Variants in PDXDC1 observed in about 807,000 individuals in gnomAD.
PDXDC1 encodes the protein pyridoxal-dependent decarboxylase domain-containing protein 1.
Under a neutral mutation model 100.1 loss-of-function variants are expected in PDXDC1, and 42 were observed. That is an observed-to-expected ratio of 0.42 (90% CI 0.33 to 0.54). The LOEUF is 0.54. Ranked by LOEUF, PDXDC1 falls within the 20% of genes least tolerant of loss-of-function variation. PDXDC1 has a pLI of 0.10. For synonymous variants in PDXDC1, 260 were observed against 371.7 expected, an observed-to-expected ratio of 0.70 and a Z score of 3.46; for missense variants, 636 against 979.2, an observed-to-expected ratio of 0.65 and a Z score of 4.68.
At chr16:15,053,931 A>G (rs4985148) in intron 16 of PDXDC1, among the ~76,000 whole-genome samples, 1 of 149,782 alleles carries the variant, frequency 6.7e-6, no homozygotes. Flanking sequence ...AACCAACCAA[A>G]CAAACAAACA....
intron 16 of PDXDC1, among the ~76,000 whole-genome samples, chr16:15,071,483 C>T (rs1244320990): frequency 2.6e-5 from 4 of 152,124 alleles, no homozygotes; most frequent in South Asian, 2.1e-4. Flanking sequence ...ACAATCAACC[C>T]GGGGCCAGGC....
intron 16 of PDXDC1, chr16:15,129,891 G>A (rs562519743): frequency 1.1e-4 from 91 of 806,726 alleles, no homozygotes; most frequent in South Asian, 8.5e-4. Flanking sequence ...CCTGAGCCCC[G>A]GCCCCAGCCT....
chr16:14,978,865 G>C (rs2151139334), intron 1 of PDXDC1, among the ~76,000 whole-genome samples: 1 of 152,414 alleles, frequency 6.6e-6, no homozygotes, highest in East Asian at 1.9e-4. Context: ...CAGCACTAGT[G>C]ATATTTTGGG....
chr16:15,033,730 G>A (rs1182590537), intron 19 of PDXDC1, among the ~76,000 whole-genome samples: 1 of 152,182 alleles, frequency 6.6e-6, no homozygotes, highest in Non-Finnish European at 1.5e-5. Context: ...TTCTGCTCTG[G>A]AGCTGTGTCC....
chr16:15,019,732 C>T (rs1487429973), intron 12 of PDXDC1, among the ~76,000 whole-genome samples: 1 of 152,278 alleles, frequency 6.6e-6, no homozygotes, highest in Non-Finnish European at 1.5e-5. Flanking sequence ...GCCCTAATGA[C>T]CTCCCAAAGG....
chr16:15,067,861 G>T (rs925358426), intron 16 of PDXDC1, among the ~76,000 whole-genome samples: 1 of 152,012 alleles, frequency 6.6e-6, no homozygotes, highest in East Asian at 1.9e-4. Context: ...GGGCTCAAGT[G>T]ATCCTCCTAC....
At chr16:14,987,429 G>A (rs1186340996) in intron 1 of PDXDC1, among the ~76,000 whole-genome samples, 3 of 152,394 alleles carry the variant, frequency 2.0e-5, no homozygotes, top group Admixed American at 1.3e-4. Flanking sequence ...AGTAATGTGT[G>A]TAGAGGCGTT....
intron 16 of PDXDC1, among the ~76,000 whole-genome samples, chr16:15,110,143 C>T (rs1300569896): frequency 2.1e-5 from 3 of 146,276 alleles, no homozygotes; most frequent in African/African-American, 5.0e-5. Flanking sequence ...AAAGCCCCAT[C>T]TCAGGAAAAA....
chr16:15,035,970 A>G, intron 22 of PDXDC1, 46 bp from the exon 23 acceptor site: 1 of 1,563,354 alleles, frequency 6.4e-7, no homozygotes, highest in Non-Finnish European at 8.7e-7. Flanking sequence ...GTGTTGCAGA[A>G]GTATCCTCAC....
At chr16:15,086,127 A>G (rs765498699) in intron 16 of PDXDC1, 8 of 1,605,528 alleles carry the variant, frequency 5.0e-6, no homozygotes, top group Non-Finnish European at 1.7e-6. Context: ...GCAATGACTT[A>G]CGAGGCACAA....
intron 21 of PDXDC1, among the ~76,000 whole-genome samples, chr16:15,034,806 C>T (rs946493491): frequency 3.3e-5 from 5 of 152,196 alleles, no homozygotes; most frequent in South Asian, 2.1e-4. Flanking sequence ...CATGAGGACA[C>T]GCCCACTCAG....
chr16:15,146,168 G>A, the PDXDC1 span, among the ~76,000 whole-genome samples: 1 of 152,184 alleles, frequency 6.6e-6, no homozygotes, highest in Non-Finnish European at 1.5e-5. Context: ...GATGGCAGAG[G>A]AGATCCACAG....
rs2045850542 is a variant in PDXDC1, at chr16:15,084,768, G to A, written c.1400-54111G>A. The A allele has an allele frequency of 1.3e-5, 15 of 1,178,132 alleles. No homozygotes were observed. In the South Asian group the frequency reaches 1.9e-4, roughly 15 times the overall value. The allele number at this position is 1,178,132 out of a possible 1,614,324, so 73.0% of individuals were successfully genotyped here. A position where few individuals can be genotyped will look rare whatever the true frequency, so the allele number is the denominator to read the frequency against. On this transcript the variant is annotated intron_variant, in intron 16 of 16. Coordinates refer to the PDXDC1 transcript ENST00000535621. ...AAAACTGAAGGGCGACACGCTTGAA[G>A]CTAAAAATAAATGCTGGCTGGGCAC... is the stretch of plus-strand genomic sequence containing the variant.
chr16:15,083,508 C>A, intron 16 of PDXDC1: 1 of 1,608,900 alleles, frequency 6.2e-7, no homozygotes, highest in Non-Finnish European at 8.5e-7. Flanking sequence ...GAAAAGATTT[C>A]TTACCAGTGT....
chr16:15,042,718 C>CTATT (rs58123477), downstream of PDXDC1, among the ~76,000 whole-genome samples: 16,544 of 147,020 alleles, frequency 0.11, 1,047 homozygotes, highest in East Asian at 0.22. Flanking sequence ...AAAGGATGAA[C>CTATT]TATTTATTTA....
chr16:15,055,911 G>C lies in PDXDC1; in HGVS notation c.1399+25855G>C, dbSNP rs1467752858. 4.9e-6 allele frequency: 6 copies of C among 1,232,316 alleles called. No individual in the cohort carries two copies. The East Asian group carries it at 1.3e-4, about 26-fold the overall frequency. 76.3% of individuals were successfully genotyped at this position (1,232,316 alleles called of 1,614,324 possible). ...CTCACCTCCAAAGGCGGGTGGGCTCGGACGAGGTCCCCGGCTGACTGCGGC... is the reference window on the plus strand; with the variant it reads ...CTCACCTCCAAAGGCGGGTGGGCTCCGACGAGGTCCCCGGCTGACTGCGGC... On this transcript the variant is annotated intron_variant, in intron 16 of 16. Transcript: ENST00000535621.
chr16:15,091,246 C>A, intron 16 of PDXDC1: 14 of 1,584,228 alleles, frequency 8.8e-6, no homozygotes, highest in Non-Finnish European at 1.2e-5. Flanking sequence ...AGAATGGGAC[C>A]CAAAGAGCAA....
chr16:15,111,934 A>T (rs2047084702), intron 16 of PDXDC1, among the ~76,000 whole-genome samples: 1 of 148,672 alleles, frequency 6.7e-6, no homozygotes, highest in Non-Finnish European at 1.5e-5. Flanking sequence ...TAGAATTTGT[A>T]ACATTTCACC....
Position 15,009,744 on chromosome 16 carries a change from C to T in PDXDC1, c.712C>T (p.Leu238Phe). 1.2e-6 allele frequency: 2 copies of T among 1,613,962 alleles called. No homozygotes were observed. The highest frequency in any genetic ancestry group is 1.1e-5 in the South Asian group (1 of 91,070). ...AGAGCGAGGAAGACTGCCCCTGTTG[C>T]TTGTCGCAAATGCAGGTAGGTAGCA... is the stretch of plus-strand genomic sequence containing the variant. ...DIERGRLPLL[L>F]VANAGTAAVG... Residue 238 changes from leucine (L) to phenylalanine (F), a missense_variant, in exon 8 of 23, where the codon CTT becomes TTT. By Grantham distance (22) the Leu-to-Phe change is conservative. Coordinates refer to ENST00000396410, the MANE Select transcript of PDXDC1 (RefSeq NM_015027.4).
Sources: allele counts gnomAD v4.1 joint callset (sites outside exome capture counted in the v4.1 genomes callset), GRCh38; gene constraint gnomAD v4.1.1; transcripts MANE v1.5; gene names NCBI Gene and HGNC (gene_info 2026-07-23, HGNC 2026-07-21).